Variants in AKNAD1 observed in about 807,000 individuals in gnomAD.
The protein encoded by AKNAD1 is protein AKNAD1.
AKNAD1 carries 67 observed loss-of-function variants against 90.8 expected under a neutral mutation model. That is an observed-to-expected ratio of 0.74 (90% CI 0.61 to 0.90). The LOEUF is 0.90. Ranked by LOEUF, AKNAD1 falls within the 40% of genes least tolerant of loss-of-function variation. The pLI is 0.00. For synonymous variants in AKNAD1, 327 were observed against 341.4 expected (o/e 0.96, Z 0.46); for missense variants, 957 against 975.4 (o/e 0.98, Z 0.25).
chr1:108,830,704 C>G, intron 9 of AKNAD1, 54 bp from the exon 10 acceptor site: 1 of 1,556,982 alleles, frequency 6.4e-7, no homozygotes, highest in Non-Finnish European at 8.9e-7. Flanking sequence ...ACTCACGCCG[C>G]GGCTGCACAC....
chr1:108,834,580 T>C, intron 8 of AKNAD1, 52 bp from the exon 9 acceptor site: 1 of 1,492,644 alleles, frequency 6.7e-7, no homozygotes, highest in African/African-American at 1.4e-5. Context: ...GTTCTTGAGC[T>C]ACCTGGGAGC....
At chr1:108,850,656 A>G (rs967848541) in intron 2 of AKNAD1, among the ~76,000 whole-genome samples, 3 of 152,092 alleles carry the variant, frequency 2.0e-5, no homozygotes, top group African/African-American at 7.2e-5. Flanking sequence ...GAGAGAGAGA[A>G]AAATCACTTC....
intron 7 of AKNAD1, chr1:108,836,648 C>T (rs375425510): frequency 2.2e-4 from 33 of 152,352 alleles, no homozygotes; most frequent in African/African-American, 7.5e-4. Context: ...CTTTGTCCTT[C>T]GCTTTGACAA....
intron 6 of AKNAD1, among the ~76,000 whole-genome samples, chr1:108,840,400 A>G (rs971041282): frequency 2.6e-5 from 4 of 152,360 alleles, no homozygotes; most frequent in South Asian, 4.1e-4. Context: ...TAAAATCTGC[A>G]TGAAGAAAAC....
In AKNAD1 at chr1:108,837,592, G is replaced by T; in HGVS notation, c.1494C>A (p.Thr498=). The T allele has an allele frequency of 6.2e-7, 1 of 1,614,080 alleles. No homozygotes were observed. The highest frequency in any genetic ancestry group is 8.5e-7 in the Non-Finnish European group (1 of 1,179,994). Reference sequence around the variant, plus strand: ...AGAAGGTGGAGGCCAAGTCATCCAGGGTAACTGGAGAACTCACAGGAAGGG... The same window carrying T: ...AGAAGGTGGAGGCCAAGTCATCCAGTGTAACTGGAGAACTCACAGGAAGGG... ...APSLPVSSPV[T]LDDLASTFSS... Residue 498 remains threonine (T), a synonymous_variant, in exon 7 of 16, where the codon ACC becomes ACA. Coordinates refer to ENST00000370001, the MANE Select transcript of AKNAD1 (RefSeq NM_152763.5).
At chr1:108,847,755 C>T (rs908857177) in intron 5 of AKNAD1, among the ~76,000 whole-genome samples, 1 of 152,202 alleles carries the variant, frequency 6.6e-6, no homozygotes, top group Non-Finnish European at 1.5e-5. Context: ...TTCCAGGAAG[C>T]CTTCCAAATG....
chr1:108,847,449 AAAAAAAAAAAAC>A (rs1170410857), intron 5 of AKNAD1, among the ~76,000 whole-genome samples: 5 of 149,486 alleles, frequency 3.3e-5, no homozygotes, highest in African/African-American at 4.9e-5. Context: ...CCGTGTCTCA[AAAAAAAAAAAAC>A]AAAAAAAAAA....
At position 108,851,988 on chromosome 1, in the gene AKNAD1, TTTTG is replaced by T. The variant is rs1220911949; in HGVS notation, c.673_676del (p.Gln225LysfsTer43). On this transcript the variant is annotated frameshift_variant, in exon 2 of 16. Transcript: ENST00000370001. LOFTEE classifies it high-confidence loss of function. ...CTGGGGTGACTGCCCTTGATAACTT[TTTTG>T]TTTATCACCTGGACCCTTGGTTTTA... 15 of 1,614,084 alleles carry T rather than the reference TTTTG, an allele frequency of 9.3e-6. No homozygotes were observed. The Admixed American group carries it at 2.5e-4, about 27-fold the overall frequency.
At chr1:108,825,547 T>G (rs2101167559) in intron 11 of AKNAD1, among the ~76,000 whole-genome samples, 1 of 151,864 alleles carries the variant, frequency 6.6e-6, no homozygotes, top group African/African-American at 2.4e-5. Context: ...CCTTTGTTTC[T>G]GTGGTTTTAA....
intron 1 of AKNAD1, among the ~76,000 whole-genome samples, chr1:108,854,698 A>C (rs1271140009): frequency 6.6e-6 from 1 of 152,234 alleles, no homozygotes; most frequent in Non-Finnish European, 1.5e-5. Context: ...GGTAACATTT[A>C]GTATAAAGTG....
chr1:108,841,599 G>T (rs1664555464), intron 6 of AKNAD1, among the ~76,000 whole-genome samples: 1 of 152,186 alleles, frequency 6.6e-6, no homozygotes, highest in African/African-American at 2.4e-5. Context: ...AGCACAGCAG[G>T]TGATGTAAAC....
In AKNAD1 at chr1:108,851,746, G is replaced by T. The variant is rs146072566; in HGVS notation, c.919C>A (p.Pro307Thr). Reference protein sequence around the residue: ...TLVQDSLETTPESNCVEKQHQ... With the variant: ...TLVQDSLETTTESNCVEKQHQ... Reference sequence around the variant, plus strand: ...TGTTTTTCAACACAGTTTGACTCAGGCGTGGTTTCTAGACTATCTTGCACA... The same window carrying T: ...TGTTTTTCAACACAGTTTGACTCAGTCGTGGTTTCTAGACTATCTTGCACA... The change falls in exon 2 of 16, where the codon CCT becomes ACT. Residue 307 changes from proline (P) to threonine (T), a missense_variant. By Grantham distance (38) the Pro-to-Thr change is conservative. Transcript: ENST00000370001. The T allele has an allele frequency of 1.9e-6, 3 of 1,612,256 alleles. No individual in the cohort carries two copies. The African/African-American group carries it at 4.0e-5, about 22-fold the overall frequency.
intron 6 of AKNAD1, 96 bp downstream of exon 6, chr1:108,843,038 G>A: frequency 6.7e-7 from 1 of 1,484,396 alleles, no homozygotes; most frequent in Non-Finnish European, 9.2e-7. Flanking sequence ...CTAGACCAGT[G>A]GCTCTCCAAG....
intron 10 of AKNAD1, among the ~76,000 whole-genome samples, chr1:108,828,950 C>T (rs1333679873): frequency 6.6e-6 from 1 of 151,762 alleles, no homozygotes; most frequent in African/African-American, 2.4e-5. Flanking sequence ...CAAAGTTTTG[C>T]ATCAGAAATA....
rs145807141 is a variant in AKNAD1, at chr1:108,849,020, G to T, written c.1074C>A (p.Thr358=). 6.2e-7 allele frequency: 1 copy of T among 1,609,786 alleles called. No individual in the cohort carries two copies. Among genetic ancestry groups the T allele is most frequent in the Non-Finnish European group, 8.5e-7 (1 of 1,178,984 alleles). ...SEASLSKLSP[T]SQKGTSSSSS... ...AACTTGAGGAAGTGCCTTTCTGAGA[G>T]GTTGGTGACAACTTAGAGAGACTTG... The change falls in exon 4 of 16, where the codon ACC becomes ACA. Residue 358 remains threonine, a synonymous_variant. Transcript: ENST00000370001.
intron 11 of AKNAD1, among the ~76,000 whole-genome samples, chr1:108,824,026 CAT>C (rs143665491): frequency 1.4e-3 from 214 of 152,288 alleles, no homozygotes; most frequent in African/African-American, 5.1e-3. Context: ...TTTGTTTTTC[CAT>C]AGTTGGCCTG....
intron 11 of AKNAD1, among the ~76,000 whole-genome samples, chr1:108,825,228 G>A (rs1246181597): frequency 6.6e-6 from 1 of 151,636 alleles, no homozygotes; most frequent in East Asian, 2.0e-4. Flanking sequence ...GAACCACCCA[G>A]CTAAAGTGCT....
chr1:108,848,834 A>G lies in AKNAD1; in HGVS notation c.1183-20T>C, dbSNP rs995903596. The G allele has an allele frequency of 1.1e-5, 18 of 1,609,400 alleles. No individual in the cohort carries two copies. The highest frequency in any genetic ancestry group is 2.7e-5 in the African/African-American group (2 of 74,614). On this transcript the variant is annotated intron_variant, in intron 4 of 15. Coordinates refer to ENST00000370001, the MANE Select transcript of AKNAD1 (RefSeq NM_152763.5). ...TTGTACCTGCAGTGAAAAAATTACA[A>G]TCTCTCATTAATGGCATGGTTTCTC...
At chr1:108,820,649 A>G in intron 13 of AKNAD1, 23 bp from the exon 14 acceptor site, 1 of 1,486,468 alleles carries the variant, frequency 6.7e-7, no homozygotes. Flanking sequence ...AGCTATCATT[A>G]AATTCAGAGT....
Sources: gnomAD v4.1 joint callset for allele counts (sites outside exome capture counted in the v4.1 genomes callset) on GRCh38, gnomAD v4.1.1 for gene constraint, MANE v1.5 for transcripts, NCBI Gene and HGNC (gene_info 2026-07-23, HGNC 2026-07-21) for gene names.